The following KPNA2 variants were observed in gnomAD, a reference collection of about 807,000 sequenced individuals.
KPNA2 encodes importin subunit alpha-1.
In KPNA2, 20 loss-of-function variants were observed where a neutral mutation model predicts 53.7. The ratio of observed to expected loss-of-function variants is 0.37; its 90% CI spans 0.26 to 0.54. KPNA2 has a LOEUF of 0.54. Among genes scored for constraint, KPNA2 ranks in the 20% least tolerant of loss-of-function variants. The pLI is 0.83. For synonymous variants in KPNA2, 238 were observed against 227.5 expected (o/e 1.05, Z -0.42); for missense variants, 515 against 640.3 (o/e 0.80, Z 2.11).
chr17:68,040,018 G>A (rs2071237213), intron 3 of KPNA2, among the ~76,000 whole-genome samples: 1 of 151,898 alleles, frequency 6.6e-6, no homozygotes, highest in African/African-American at 2.4e-5. Flanking sequence ...AGGCGGAGGT[G>A]GTGGTGAGCC....
chr17:68,042,634 G>C (rs2071273756), intron 5 of KPNA2, among the ~76,000 whole-genome samples: 1 of 152,108 alleles, frequency 6.6e-6, no homozygotes, highest in South Asian at 2.1e-4. Flanking sequence ...TGTAATCCCA[G>C]CACTTTGGGA....
At chr17:68,045,960 CAT>C (rs1188599329) in intron 10 of KPNA2, 39 bp downstream of exon 10, 4 of 1,373,672 alleles carry the variant, frequency 2.9e-6, no homozygotes, top group East Asian at 2.4e-5. Context: ...AACTTGGAAA[CAT>C]AAAGTCAAGG....
chr17:68,037,719 T>G lies in KPNA2; in HGVS notation c.213+224T>G, dbSNP rs567679212. 6.6e-5 allele frequency among the ~76,000 whole-genome samples: 10 copies of G among 152,208 alleles called. No individual in the cohort carries two copies. The East Asian group carries it at 1.9e-3, about 29-fold the overall frequency. On this transcript the variant is annotated intron_variant, in intron 3 of 10. Transcript: ENST00000330459. ...TTTAGCTCTGACCTTCCTTCAGACT[T>G]CCCTGCATTTCTAGCTACTAGCTGG... is the stretch of plus-strand genomic sequence containing the variant.
At chr17:68,041,560 A>AAAAT (rs1369024397) in intron 4 of KPNA2, among the ~76,000 whole-genome samples, 1 of 152,186 alleles carries the variant, frequency 6.6e-6, no homozygotes, top group Non-Finnish European at 1.5e-5. Context: ...TCTGTCTCAA[A>AAAAT]AAATAAATAA....
In KPNA2 at chr17:68,039,862, T is replaced by C. The variant is rs548212334; in HGVS notation, c.214-816T>C. On this transcript the variant is annotated intron_variant, in intron 3 of 10. Coordinates refer to ENST00000330459, the MANE Select transcript of KPNA2 (RefSeq NM_002266.4). ...CTGAGGCAGGTGGATCACCTGAGGT[T>C]GGCAGTTCGAGACCAGCCTGACCAA... Among the ~76,000 whole-genome samples, 21 of 149,660 alleles carry C rather than the reference T, an allele frequency of 1.4e-4. No homozygotes were observed. The East Asian group carries it at 4.2e-3, about 30-fold the overall frequency.
chr17:68,042,792 A>G (rs1422472852), intron 5 of KPNA2, 113 bp from the exon 6 acceptor site: 1 of 775,430 alleles, frequency 1.3e-6, no homozygotes, highest in African/African-American at 1.8e-5. Flanking sequence ...TGAACCCAGG[A>G]GGCGGAGCTT....
rs2071333319 is a variant in KPNA2 at position 68,046,548 on chromosome 17, C to G, written c.1542C>G (p.Gly514=). Residue 514 remains glycine (G), a synonymous_variant, in exon 11 of 11, where the codon GGC becomes GGG. Transcript: ENST00000330459. ...TTGTACCAGAAACTACCTCTGAAGG[C>G]TACACTTTCCAAGTTCAGGATGGGG... The part of the protein sequence containing the change: ...QNVVPETTSE[G]YTFQVQDGAP... 6.2e-7 allele frequency: 1 copy of G among 1,611,884 alleles called. No homozygotes were observed. Among genetic ancestry groups the G allele is most frequent in the African/African-American group, 1.3e-5 (1 of 74,868 alleles).
In KPNA2 at chr17:68,043,824, T is replaced by A. The variant is rs782265636; in HGVS notation, c.931-14T>A. 215 of 1,366,258 alleles carry A rather than the reference T, an allele frequency of 1.6e-4. No homozygotes were observed. Among genetic ancestry groups the A allele is most frequent in the Non-Finnish European group, 2.1e-4 (206 of 982,772 alleles). The allele number at this position is 1,366,258 out of a possible 1,614,324, so 84.6% of individuals were successfully genotyped here. A position where few individuals can be genotyped will look rare whatever the true frequency, so the allele number is the denominator to read the frequency against. On this transcript the variant is annotated splice_polypyrimidine_tract_variant and intron_variant, in intron 7 of 10. Coordinates refer to ENST00000330459, the MANE Select transcript of KPNA2 (RefSeq NM_002266.4). ...GAAAAAATAACCAGCATCAACATAT[T>A]TTTTTTTTTTCAGACTCCTGCCCTA...
rs11545989 is a variant in KPNA2 at position 68,042,276 on chromosome 17, C to G, written c.494C>G (p.Pro165Arg). The change falls in exon 5 of 11, where the codon CCA becomes CGA. Residue 165 changes from proline to arginine, a missense_variant. By Grantham distance (103) the Pro-to-Arg change is moderately radical. Coordinates refer to ENST00000330459, the MANE Select transcript of KPNA2 (RefSeq NM_002266.4). ...TKAVVDGGAIPAFISLLASPH... is the reference protein window; with the variant it reads ...TKAVVDGGAIRAFISLLASPH... The stretch of plus-strand genomic sequence containing the variant: ...GCTGTGGTAGATGGAGGTGCCATCC[C>G]AGCATTCATTTCTCTGTTGGCATCT... 7,897 of 1,614,060 alleles carry G rather than the reference C, an allele frequency of 4.9e-3. 29 individuals carry two copies. The highest frequency in any genetic ancestry group is 6.0e-3 in the Non-Finnish European group (7,038 of 1,179,948).
intron 6 of KPNA2, 29 bp from the exon 7 acceptor site, chr17:68,043,071 C>T (rs1305741240): frequency 3.7e-6 from 6 of 1,612,436 alleles, no homozygotes; most frequent in Non-Finnish European, 5.1e-6. Context: ...AAAGACAGAA[C>T]CTCTCATTGC....
intron 9 of KPNA2, 97 bp downstream of exon 9, chr17:68,044,600 A>G: frequency 1.1e-6 from 1 of 894,122 alleles, no homozygotes; most frequent in African/African-American, 1.7e-5. Flanking sequence ...TTTACTCACT[A>G]GTAAGCCACA....
intron 2 of KPNA2, 22 bp downstream of exon 2, chr17:68,037,229 C>T (rs1555703895): frequency 6.3e-7 from 1 of 1,597,162 alleles, no homozygotes; most frequent in South Asian, 1.1e-5. Flanking sequence ...CTGTTGCTTT[C>T]CTGTGGTGGT....
chr17:68,037,999 C>A (rs1388473726), intron 3 of KPNA2, among the ~76,000 whole-genome samples: 1 of 151,986 alleles, frequency 6.6e-6, no homozygotes, highest in Non-Finnish European at 1.5e-5. Context: ...TTCTTTGAGA[C>A]AGAGTTTTGC....
Position 68,046,758 on chromosome 17 carries a change from G to C in KPNA2, c.*162G>C, listed in dbSNP as rs2071336182. ...CAACTGTACATACATACTGTATGAA[G>C]CTTGTCCTCTGACTAGGTTTCTAAT... is the stretch of plus-strand genomic sequence containing the variant. On this transcript the variant is annotated 3_prime_UTR_variant, in exon 11 of 11. Coordinates refer to ENST00000330459, the MANE Select transcript of KPNA2 (RefSeq NM_002266.4). 1 of 469,230 alleles carries C rather than the reference G, an allele frequency of 2.1e-6. No individual in the cohort carries two copies. Among genetic ancestry groups the C allele is most frequent in the Non-Finnish European group, 3.9e-6 (1 of 257,600 alleles). The allele number at this position is 469,230 out of a possible 1,614,324, so 29.1% of individuals were successfully genotyped here.
At position 68,037,219 on chromosome 17, in the gene KPNA2, C is replaced by T; in HGVS notation, c.75+12C>T. Reference sequence around the variant, plus strand: ...GAAAAGACAGTACAGTGAGTACCTTCTGTTGCTTTCCTGTGGTGGTATTTA... The same window carrying T: ...GAAAAGACAGTACAGTGAGTACCTTTTGTTGCTTTCCTGTGGTGGTATTTA... On this transcript the variant is annotated intron_variant, in intron 2 of 10. Coordinates refer to ENST00000330459, the MANE Select transcript of KPNA2 (RefSeq NM_002266.4). 2 of 1,604,804 alleles carry T rather than the reference C, an allele frequency of 1.2e-6. No individual in the cohort carries two copies. The highest frequency in any genetic ancestry group is 1.7e-6 in the Non-Finnish European group (2 of 1,174,750).
rs1354821697 is a variant in KPNA2, at chr17:68,040,700, A to T, written c.236A>T (p.Asp79Val). The T allele has an allele frequency of 6.2e-7, 1 of 1,613,038 alleles. No individual in the cohort carries two copies. Among genetic ancestry groups the T allele is most frequent in the African/African-American group, 1.3e-5 (1 of 74,910 alleles). ...NNQGTVNWSV[D>V]DIVKGINSSN... ...TAGGGCACTGTAAATTGGTCTGTTGATGACATTGTCAAAGGCATAAATAGC... is the reference window on the plus strand; with the variant it reads ...TAGGGCACTGTAAATTGGTCTGTTGTTGACATTGTCAAAGGCATAAATAGC... Residue 79 changes from aspartate to valine, a missense_variant, in exon 4 of 11, where the codon GAT becomes GTT. Coordinates refer to ENST00000330459, the MANE Select transcript of KPNA2 (RefSeq NM_002266.4).
At chr17:68,040,839 C>A in intron 4 of KPNA2, 73 bp downstream of exon 4, 4 of 861,498 alleles carry the variant, frequency 4.6e-6, no homozygotes, top group African/African-American at 1.7e-5. Context: ...GGGGGTGGGG[C>A]AGGAAGGGAC....
chr17:68,043,033 CTTCA>C, intron 6 of KPNA2, 34 bp downstream of exon 6: 1 of 1,610,078 alleles, frequency 6.2e-7, no homozygotes, highest in Non-Finnish European at 8.5e-7. Context: ...TTACTCACTT[CTTCA>C]TTCTAATTTC....
intron 5 of KPNA2, 31 bp from the exon 6 acceptor site, chr17:68,042,874 A>G: frequency 6.4e-7 from 1 of 1,562,790 alleles, no homozygotes; most frequent in Non-Finnish European, 8.7e-7. Context: ...AAAAAAAAAA[A>G]AAAAAAAATT....
Sources: allele counts gnomAD v4.1 joint callset (sites outside exome capture counted in the v4.1 genomes callset), GRCh38; gene constraint gnomAD v4.1.1; transcripts MANE v1.5; gene names NCBI Gene and HGNC (gene_info 2026-07-23, HGNC 2026-07-21).